The following SOCS7 variants were observed in gnomAD, a reference collection of about 807,000 sequenced individuals.
The protein encoded by SOCS7 is NAP-4.
SOCS7 carries 18 observed loss-of-function variants against 58.9 expected under a neutral mutation model. That is an observed-to-expected ratio of 0.31 (90% CI 0.21 to 0.45). The LOEUF (loss-of-function observed/expected upper bound fraction) is 0.45, where lower values mean the gene tolerates loss of function less well. SOCS7 is among the 20% of genes least tolerant of loss of function. SOCS7 has a pLI of 1.00. For synonymous variants in SOCS7, 388 were observed against 364.3 expected (o/e 1.06, Z -0.74); for missense variants, 667 against 837.3 (o/e 0.80, Z 2.51).
At chr17:38,382,941 G>A (rs2038022154) in intron 7 of SOCS7, among the ~76,000 whole-genome samples, 1 of 151,808 alleles carries the variant, frequency 6.6e-6, no homozygotes, top group Admixed American at 6.6e-5. Context: ...TTTGTTGTGG[G>A]GTCTGTCCCG....
rs1271640466 is a variant in SOCS7, at chr17:38,404,673, C to T, written c.*5191C>T. 2 of 152,286 alleles carry T rather than the reference C, an allele frequency of 1.3e-5. No individual in the cohort carries two copies. The highest frequency in any genetic ancestry group is 2.9e-5 in the Non-Finnish European group (2 of 68,068). 9.4% of individuals were successfully genotyped at this position (152,286 alleles called of 1,614,324 possible). ...GGAACTTAGGACACTCTTCCTCAGA[C>T]TCTGGGATCATCACATACCACACTG... On this transcript the variant is annotated 3_prime_UTR_variant, in exon 10 of 10. Transcript: ENST00000612932.
intron 5 of SOCS7, 60 bp downstream of exon 5, chr17:38,366,477 C>A: frequency 6.3e-7 from 1 of 1,575,838 alleles, no homozygotes; most frequent in Non-Finnish European, 8.7e-7. Context: ...ATTCTGTATT[C>A]GGACACACCT....
chr17:38,390,487 G>A (rs1159954532), intron 7 of SOCS7, among the ~76,000 whole-genome samples: 1 of 152,144 alleles, frequency 6.6e-6, no homozygotes, highest in Non-Finnish European at 1.5e-5. Context: ...TGGCAAGAGT[G>A]TGGAGTTGAG....
In SOCS7 at chr17:38,401,164, C is replaced by T; in HGVS notation, c.*1682C>T. On this transcript the variant is annotated 3_prime_UTR_variant, in exon 10 of 10. Transcript: ENST00000612932. Reference sequence around the variant, plus strand: ...TCCTTGTAGCTGAACAGGGAGGAAACTTGCACCATTACCTGACTGTGGAAG... The same window carrying T: ...TCCTTGTAGCTGAACAGGGAGGAAATTTGCACCATTACCTGACTGTGGAAG... 1 of 152,178 alleles carries T rather than the reference C, an allele frequency of 6.6e-6. No homozygotes were observed. The highest frequency in any genetic ancestry group is 1.5e-5 in the Non-Finnish European group (1 of 68,040). 9.4% of individuals were successfully genotyped at this position (152,178 alleles called of 1,614,324 possible). A position where few individuals can be genotyped will look rare whatever the true frequency, so the allele number is the denominator to read the frequency against.
intron 2 of SOCS7, among the ~76,000 whole-genome samples, chr17:38,363,952 C>T (rs1431027935): frequency 6.6e-6 from 1 of 152,136 alleles, no homozygotes; most frequent in Non-Finnish European, 1.5e-5. Context: ...TACCTTTCAT[C>T]CTCTCGTGAC....
chr17:38,377,869 T>C, intron 7 of SOCS7, 27 bp downstream of exon 7: 1 of 1,603,542 alleles, frequency 6.2e-7, no homozygotes, highest in Non-Finnish European at 8.5e-7. Flanking sequence ...GTTAATTATT[T>C]AACTTAAGTT....
rs140733557 is a variant in SOCS7, at chr17:38,364,844, C to T, written c.1138C>T (p.Leu380Phe). The T allele has an allele frequency of 4.3e-6, 7 of 1,613,210 alleles. No homozygotes were observed. In the South Asian group the frequency reaches 7.7e-5, roughly 18 times the overall value. ...TCCCCCTCCTCCTCCGAGAAGAAGC[C>T]TCAGCCTCCTAGGTATAGTTTCTTC... is the stretch of plus-strand genomic sequence containing the variant. ...PTPPPPPRRS[L>F]SLLDDISGTL... The change falls in exon 3 of 10, where the codon CTC becomes TTC. Residue 380 changes from leucine to phenylalanine, a missense_variant. Around this residue, in one of 9 missense-constraint regions of SOCS7, gnomAD observed 99 missense variants for 122.9 expected, o/e 0.81. Coordinates refer to ENST00000612932, the MANE Select transcript of SOCS7 (RefSeq NM_014598.4).
chr17:38,372,144 A>G (rs906501694), intron 6 of SOCS7, among the ~76,000 whole-genome samples: 3 of 152,242 alleles, frequency 2.0e-5, no homozygotes, highest in South Asian at 2.1e-4. Flanking sequence ...AATTTTTTGG[A>G]GATTTGTGAC....
At chr17:38,372,293 T>C (rs2037877928) in intron 6 of SOCS7, among the ~76,000 whole-genome samples, 1 of 152,232 alleles carries the variant, frequency 6.6e-6, no homozygotes, top group African/African-American at 2.4e-5. Flanking sequence ...AAATCTGTTA[T>C]AAAAAGTTAA....
chr17:38,389,299 T>C (rs995262201), intron 7 of SOCS7, among the ~76,000 whole-genome samples: 1 of 152,236 alleles, frequency 6.6e-6, no homozygotes, highest in African/African-American at 2.4e-5. Context: ...ATGGTGCCTA[T>C]AAGCCCAGTA....
At chr17:38,383,452 G>A (rs549376239) in intron 7 of SOCS7, among the ~76,000 whole-genome samples, 2 of 152,214 alleles carry the variant, frequency 1.3e-5, no homozygotes, top group East Asian at 1.9e-4. Context: ...GATACTCTGG[G>A]TGGCCCCTCA....
At position 38,401,032 on chromosome 17, in the gene SOCS7, C is replaced by T. The variant is rs2038311848; in HGVS notation, c.*1550C>T. 6.6e-6 allele frequency: 1 copy of T among 152,174 alleles called. No individual in the cohort carries two copies. The highest frequency in any genetic ancestry group is 6.5e-5 in the Admixed American group (1 of 15,286). The allele number at this position is 152,174 out of a possible 1,614,324, so 9.4% of individuals were successfully genotyped here. ...ACAGATACTAATGTCAGGTTTGTGGCTTCCTGATGGTTTGGGTGGGGCCCC... is the reference window on the plus strand; with the variant it reads ...ACAGATACTAATGTCAGGTTTGTGGTTTCCTGATGGTTTGGGTGGGGCCCC... On this transcript the variant is annotated 3_prime_UTR_variant, in exon 10 of 10. Coordinates refer to ENST00000612932, the MANE Select transcript of SOCS7 (RefSeq NM_014598.4).
At chr17:38,397,838 A>G (rs2038264420) in intron 9 of SOCS7, among the ~76,000 whole-genome samples, 1 of 152,220 alleles carries the variant, frequency 6.6e-6, no homozygotes, top group African/African-American at 2.4e-5. Flanking sequence ...AAAACTGGGT[A>G]AAGTTTAGTG....
Position 38,378,054 on chromosome 17 carries a change from C to A in SOCS7, c.1681+212C>A, listed in dbSNP as rs576900698. On this transcript the variant is annotated intron_variant, in intron 7 of 9. Transcript: ENST00000612932. ...GGAGGAATCTTTGCTTCTCTAACCA[C>A]GTGAATGAGAAAACTGCTTCCACCT... Among the ~76,000 whole-genome samples, 3 of 152,152 alleles carry A rather than the reference C, an allele frequency of 2.0e-5. No homozygotes were observed. In the East Asian group the frequency reaches 5.8e-4, roughly 29 times the overall value.
intron 7 of SOCS7, among the ~76,000 whole-genome samples, chr17:38,378,393 A>G (rs988746694): frequency 6.6e-6 from 1 of 152,186 alleles, no homozygotes; most frequent in Non-Finnish European, 1.5e-5. Context: ...ACATGCCTAT[A>G]GTTCCAGCTA....
At position 38,364,737 on chromosome 17, in the gene SOCS7, C is replaced by T; in HGVS notation, c.1046-15C>T. The T allele has an allele frequency of 6.2e-7, 1 of 1,611,282 alleles. No individual in the cohort carries two copies. The highest frequency in any genetic ancestry group is 1.1e-5 in the South Asian group (1 of 90,994). On this transcript the variant is annotated splice_polypyrimidine_tract_variant and intron_variant, in intron 2 of 9. Transcript: ENST00000612932. Reference sequence around the variant, plus strand: ...AAGGCGCTTCTGTAACTTGCTTGCTCCATGAATCCCTCAGGTGAAACTGTG... The same window carrying T: ...AAGGCGCTTCTGTAACTTGCTTGCTTCATGAATCCCTCAGGTGAAACTGTG...
At chr17:38,358,529 C>A (rs1249094433) in intron 1 of SOCS7, among the ~76,000 whole-genome samples, 1 of 151,898 alleles carries the variant, frequency 6.6e-6, no homozygotes, top group African/African-American at 2.4e-5. Context: ...TCTTACCCCT[C>A]CCCCAGGTAA....
rs538221389 is a variant in SOCS7 at position 38,403,156 on chromosome 17, G to T, written c.*3674G>T. 6.6e-6 allele frequency: 1 copy of T among 152,188 alleles called. No homozygotes were observed. The highest frequency in any genetic ancestry group is 1.9e-4 in the East Asian group (1 of 5,168). The allele number at this position is 152,188 out of a possible 1,614,324, so 9.4% of individuals were successfully genotyped here. A position where few individuals can be genotyped will look rare whatever the true frequency, so the allele number is the denominator to read the frequency against. On this transcript the variant is annotated 3_prime_UTR_variant, in exon 10 of 10. Coordinates refer to ENST00000612932, the MANE Select transcript of SOCS7 (RefSeq NM_014598.4). ...GTGGCGCCACCTCCCTGAGGAGAAA[G>T]GTGTGGCCAAAGGAAACTCCTGCAT...
At chr17:38,376,154 TA>T (rs1378269863) in intron 6 of SOCS7, among the ~76,000 whole-genome samples, 2 of 152,140 alleles carry the variant, frequency 1.3e-5, no homozygotes, top group African/African-American at 4.8e-5. Context: ...ATAAGTTAGG[TA>T]ATCATTTACC....
Sources: allele counts gnomAD v4.1 joint callset (sites outside exome capture counted in the v4.1 genomes callset), GRCh38; gene constraint gnomAD v4.1.1; regional missense constraint gnomAD v4.1.1; transcripts MANE v1.5; gene names NCBI Gene and HGNC (gene_info 2026-07-23, HGNC 2026-07-21).